The following ZFP64 variants were observed in gnomAD, a reference collection of about 807,000 sequenced individuals.
ZFP64 encodes the protein zinc finger protein 64.
In ZFP64, 14 loss-of-function variants were observed where a neutral mutation model predicts 51.6. The observed-to-expected ratio is 0.27, with a 90% CI of 0.18 to 0.42. The LOEUF is 0.42. ZFP64 is among the 10% of genes least tolerant of loss of function. The pLI is 1.00. For missense variants in ZFP64, 754 were observed against 906.8 expected, an observed-to-expected ratio of 0.83 and a Z score of 2.16; for synonymous variants, 375 against 361.4, an observed-to-expected ratio of 1.04 and a Z score of -0.43.
chr20:52,181,589 C>G (rs563750229), intron 2 of ZFP64, among the ~76,000 whole-genome samples: 3 of 152,304 alleles, frequency 2.0e-5, no homozygotes, highest in Non-Finnish European at 4.4e-5. Flanking sequence ...CAAGGACAAA[C>G]AAGTCTGGAA....
At chr20:52,101,378 CG>C (rs1368812139) in intron 5 of ZFP64, among the ~76,000 whole-genome samples, 1 of 61,130 alleles carries the variant, frequency 1.6e-5, no homozygotes, top group Non-Finnish European at 3.4e-5. Context: ...CAGGGACTTG[CG>C]ATTTTTTTTT....
rs1390810590 is a variant in ZFP64 at position 52,152,643 on chromosome 20, C to T, written c.1549G>A (p.Ala517Thr). The T allele has an allele frequency of 9.8e-6, 15 of 1,533,802 alleles. No individual in the cohort carries two copies. The highest frequency in any genetic ancestry group is 2.3e-5 in the East Asian group (1 of 44,292). Residue 517 changes from alanine to threonine, a missense_variant, in exon 6 of 6, where the codon GCT becomes ACT. This residue lies in a region of ZFP64 where 428 missense variants were observed against 472.4 expected (regional missense o/e 0.91). Transcript: ENST00000216923. ...GCAGGCGGGACGATGTTCACTGCAGCGGCGGCAGCCTGGACGATGGTGTTC... is the reference window on the plus strand; with the variant it reads ...GCAGGCGGGACGATGTTCACTGCAGTGGCGGCAGCCTGGACGATGGTGTTC... ...QANTIVQAAA[A>T]AVNIVPPALV... is the part of the protein sequence containing the mutation.
chr20:52,104,988 C>G, intron 5 of ZFP64: 1 of 982,622 alleles, frequency 1.0e-6, no homozygotes, highest in Non-Finnish European at 1.5e-6. Context: ...GCGGGGACGC[C>G]CAGGTCCGAG....
intron 7 of ZFP64, among the ~76,000 whole-genome samples, chr20:52,093,751 G>A (rs1289232249): frequency 6.6e-6 from 1 of 152,250 alleles, no homozygotes; most frequent in Non-Finnish European, 1.5e-5. Flanking sequence ...TGGGACTACT[G>A]TGCATATTAA....
At chr20:52,155,727 A>C (rs1981265201) in intron 5 of ZFP64, among the ~76,000 whole-genome samples, 1 of 152,114 alleles carries the variant, frequency 6.6e-6, no homozygotes, top group South Asian at 2.1e-4. Context: ...AGGTCTTCAA[A>C]GCTAATGACT....
At chr20:52,115,753 T>C (rs1250329946) in intron 5 of ZFP64, among the ~76,000 whole-genome samples, 3 of 151,496 alleles carry the variant, frequency 2.0e-5, no homozygotes, top group Admixed American at 6.6e-5. Flanking sequence ...GGGGAGAAGT[T>C]TGGAGGAAGG....
At position 52,152,377 on chromosome 20, in the gene ZFP64, G is replaced by C; in HGVS notation, c.1815C>G (p.Thr605=). Reference sequence around the variant, plus strand: ...AGTCAGTGCAAGTAATACCCGAACTGGTAATGAAAGTTTGATTGCCAGAGC... The same window carrying C: ...AGTCAGTGCAAGTAATACCCGAACTCGTAATGAAAGTTTGATTGCCAGAGC... The part of the protein sequence containing the change: ...QEGSGNQTFI[T]SSGITCTDFE... The change falls in exon 6 of 6, where the codon ACC becomes ACG. Residue 605 remains threonine (T), a synonymous_variant. Coordinates refer to ENST00000216923, the MANE Select transcript of ZFP64 (RefSeq NM_018197.3). The C allele has an allele frequency of 6.2e-7, 1 of 1,614,190 alleles. No homozygotes were observed. The highest frequency in any genetic ancestry group is 8.5e-7 in the Non-Finnish European group (1 of 1,180,044).
intron 2 of ZFP64, among the ~76,000 whole-genome samples, chr20:52,170,873 C>T (rs1021098409): frequency 6.6e-6 from 1 of 151,972 alleles, no homozygotes; most frequent in Non-Finnish European, 1.5e-5. Context: ...GTGGTGCATG[C>T]AATAAGTATT....
At chr20:52,087,637 G>T (rs937101478) in intron 8 of ZFP64, among the ~76,000 whole-genome samples, 1 of 152,220 alleles carries the variant, frequency 6.6e-6, no homozygotes, top group Non-Finnish European at 1.5e-5. Flanking sequence ...ATTAGACATG[G>T]ATGCCAGAGG....
rs1030873293 is a variant in ZFP64, at chr20:52,155,562, C to T, written c.764-2134G>A. On this transcript the variant is annotated intron_variant, in intron 5 of 5. Transcript: ENST00000216923. ...TCTGCAGAGGTGAGACCCAGAAAAT[C>T]CAGAAAACCAAATCTCGCAGCTAAG... Among the ~76,000 whole-genome samples, 4 of 152,098 alleles carry T rather than the reference C, an allele frequency of 2.6e-5. No individual in the cohort carries two copies. The South Asian group carries it at 8.3e-4, about 32-fold the overall frequency.
At chr20:52,096,231 C>T (rs767305339) in intron 7 of ZFP64, among the ~76,000 whole-genome samples, 5 of 152,178 alleles carry the variant, frequency 3.3e-5, no homozygotes, top group Admixed American at 6.5e-5. Context: ...CTCGGTGTGG[C>T]CATGACTAAG....
chr20:52,098,934 A>G (rs1277676018), intron 5 of ZFP64, among the ~76,000 whole-genome samples: 12 of 149,034 alleles, frequency 8.1e-5, no homozygotes, highest in Non-Finnish European at 1.8e-4. Flanking sequence ...CCTGGGAGGC[A>G]GAGGTTGCAG....
chr20:52,164,938 C>T, intron 3 of ZFP64, 181 bp from the exon 4 acceptor site: 1 of 693,466 alleles, frequency 1.4e-6, no homozygotes, highest in South Asian at 1.5e-5. Context: ...TTTGTGGTTC[C>T]TGCCAAAACT....
intron 5 of ZFP64, among the ~76,000 whole-genome samples, chr20:52,126,481 T>G (rs956426509): frequency 1.3e-5 from 2 of 152,210 alleles, no homozygotes; most frequent in African/African-American, 4.8e-5. Context: ...AGCACCTGCC[T>G]GCTTAAAGGT....
At chr20:52,169,480 C>A (rs1250228666) in intron 2 of ZFP64, among the ~76,000 whole-genome samples, 1 of 152,084 alleles carries the variant, frequency 6.6e-6, no homozygotes, top group Non-Finnish European at 1.5e-5. Flanking sequence ...GTGGCCAGGT[C>A]CTCCCTACAA....
intron 5 of ZFP64, among the ~76,000 whole-genome samples, chr20:52,129,052 T>A (rs1979584127): frequency 6.6e-6 from 1 of 151,310 alleles, no homozygotes; most frequent in Admixed American, 6.6e-5. Context: ...TAGTTGGGAT[T>A]ACAGGCGCGC....
intron 2 of ZFP64, among the ~76,000 whole-genome samples, chr20:52,177,564 A>ACCATGCGG (rs1194514040): frequency 6.6e-6 from 1 of 152,042 alleles, no homozygotes; most frequent in Non-Finnish European, 1.5e-5. Context: ...ATTAGCCGCC[A>ACCATGCGG]CCATGCGGCC....
rs749072185 is a variant in ZFP64 at position 52,142,377 on chromosome 20, G to GACACACACACACACACGCGCGCACAC, written c.763+17745_763+17746insGTGTGCGCGCGTGTGTGTGTGTGTGT. The stretch of plus-strand genomic sequence containing the variant: ...AGTGAGACTTCATCACACACACACA[G>GACACACACACACACACGCGCGCACAC]ACACACACACACACACACACACACA... On this transcript the variant is annotated intron_variant, in intron 5 of 8. Coordinates refer to the ZFP64 transcript ENST00000361387. Among the ~76,000 whole-genome samples the GACACACACACACACACGCGCGCACAC allele has an allele frequency of 1.4e-3, 165 of 118,464 alleles. 1 individual carries two copies. The highest frequency in any genetic ancestry group is 8.8e-3 in the Middle Eastern group (2 of 228). 77.7% of individuals were successfully genotyped at this position (118,464 alleles called of 152,430 possible).
At chr20:52,090,452 T>C (rs139760786) in intron 7 of ZFP64, among the ~76,000 whole-genome samples, 1 of 151,462 alleles carries the variant, frequency 6.6e-6, no homozygotes, top group East Asian at 1.9e-4. Flanking sequence ...TATGAGAAAA[T>C]ACTACAATGG....
Sources: allele counts gnomAD v4.1 joint callset (sites outside exome capture counted in the v4.1 genomes callset), GRCh38; gene constraint gnomAD v4.1.1; regional missense constraint gnomAD v4.1.1; transcripts MANE v1.5; gene names NCBI Gene and HGNC (gene_info 2026-07-23, HGNC 2026-07-21).